Variants in ZNF214 observed in about 807,000 individuals in gnomAD.
ZNF214 encodes zinc finger protein 214.
Under a neutral mutation model 53.9 loss-of-function variants are expected in ZNF214, and 43 were observed. That is an observed-to-expected ratio of 0.80 (90% CI 0.63 to 1.03). ZNF214 has a LOEUF of 1.03. Among genes scored for constraint, ZNF214 ranks in the 50% least tolerant of loss-of-function variants. ZNF214 has a pLI of 0.00. For missense variants in ZNF214, 724 were observed against 719.1 expected (o/e 1.01, Z -0.08); for synonymous variants, 217 against 229.5 (o/e 0.95, Z 0.49).
intron 2 of ZNF214, 108 bp downstream of exon 2, chr11:7,002,601 G>T: frequency 8.2e-7 from 1 of 1,218,174 alleles, no homozygotes; most frequent in Non-Finnish European, 1.1e-6. Context: ...ACATTTTTGA[G>T]AATATCTCTT....
chr11:7,011,626 G>A (rs527935442), intron 1 of ZNF214, among the ~76,000 whole-genome samples: 41 of 152,138 alleles, frequency 2.7e-4, no homozygotes, highest in African/African-American at 9.4e-4. Flanking sequence ...AATGACCACC[G>A]TCACTGCTGC....
intron 2 of ZNF214, 64 bp downstream of exon 2, chr11:7,002,645 C>A: frequency 6.8e-7 from 1 of 1,460,610 alleles, no homozygotes; most frequent in Non-Finnish European, 9.0e-7. Context: ...GATAAAAAAA[C>A]AAAATACTCA....
Position 7,001,140 on chromosome 11 carries a change from T to C in ZNF214, c.543A>G (p.Glu181=). The change falls in exon 3 of 3, where the codon GAA becomes GAG. Residue 181 remains glutamate (E), a synonymous_variant. Coordinates refer to ENST00000278314, the MANE Select transcript of ZNF214 (RefSeq NM_013249.4). ...ISRKNLSMEK[E]QKLIVQHSYI... ...AAGAATGCTGAACTATGAGCTTCTGTTCTTTTTCCATGGAGAGGTTTTTCC... is the reference window on the plus strand; with the variant it reads ...AAGAATGCTGAACTATGAGCTTCTGCTCTTTTTCCATGGAGAGGTTTTTCC... 3 of 1,613,362 alleles carry C rather than the reference T, an allele frequency of 1.9e-6. No homozygotes were observed. Among genetic ancestry groups the C allele is most frequent in the Admixed American group, 1.7e-5 (1 of 59,898 alleles).
chr11:7,008,985 TAATC>T (rs754157235), intron 1 of ZNF214, among the ~76,000 whole-genome samples: 2 of 151,976 alleles, frequency 1.3e-5, no homozygotes, highest in Non-Finnish European at 2.9e-5. Flanking sequence ...AGACTCAACA[TAATC>T]AAAATGGCCA....
chr11:7,002,569 T>C (rs1851379047), intron 2 of ZNF214, 140 bp downstream of exon 2: 1 of 950,582 alleles, frequency 1.1e-6, no homozygotes, highest in Admixed American at 3.0e-5. Context: ...CTTTATCTTC[T>C]ATTTGTAACA....
chr11:7,007,565 T>C (rs1387576826), intron 1 of ZNF214, among the ~76,000 whole-genome samples: 2 of 151,698 alleles, frequency 1.3e-5, no homozygotes, highest in Non-Finnish European at 2.9e-5. Flanking sequence ...ATATGAACAG[T>C]AGGAAAAAAT....
intron 1 of ZNF214, among the ~76,000 whole-genome samples, chr11:7,011,227 T>A (rs1851599799): frequency 6.6e-6 from 1 of 151,994 alleles, no homozygotes; most frequent in Non-Finnish European, 1.5e-5. Flanking sequence ...ACAAATAAAA[T>A]TAAATTACAG....
chr11:7,005,126 A>G (rs1851445271), intron 1 of ZNF214, among the ~76,000 whole-genome samples: 1 of 139,906 alleles, frequency 7.1e-6, no homozygotes, highest in South Asian at 2.1e-4. Flanking sequence ...ATATATGATA[A>G]TGTCTATATG....
intron 1 of ZNF214, among the ~76,000 whole-genome samples, chr11:7,018,465 T>G (rs910792886): frequency 1.3e-5 from 2 of 151,282 alleles, no homozygotes; most frequent in Admixed American, 6.6e-5. Flanking sequence ...ATTATTAATC[T>G]CATATAGTTT....
intron 1 of ZNF214, among the ~76,000 whole-genome samples, chr11:7,014,855 A>C (rs1186287356): frequency 6.6e-6 from 1 of 150,972 alleles, no homozygotes; most frequent in African/African-American, 2.4e-5. Context: ...TGGAGGTTGC[A>C]GTGTGCTGAG....
chr11:7,000,072 G>A lies in ZNF214; in HGVS notation c.1611C>T (p.His537=). 6.2e-7 allele frequency: 1 copy of A among 1,613,166 alleles called. No individual in the cohort carries two copies. Among genetic ancestry groups the A allele is most frequent in the Non-Finnish European group, 8.5e-7 (1 of 1,179,504 alleles). ...KCHDCGKGFS[H]SSNLHIHQRV... Reference sequence around the variant, plus strand: ...TCTGATGAATGTGAAGATTAGAACTGTGACTAAAACCCTTTCCACAATCAT... The same window carrying A: ...TCTGATGAATGTGAAGATTAGAACTATGACTAAAACCCTTTCCACAATCAT... The change falls in exon 3 of 3, where the codon CAC becomes CAT. Residue 537 remains histidine (H), a synonymous_variant. Coordinates refer to ENST00000278314, the MANE Select transcript of ZNF214 (RefSeq NM_013249.4).
At chr11:7,017,718 G>C (rs781015455) in intron 1 of ZNF214, among the ~76,000 whole-genome samples, 1 of 144,916 alleles carries the variant, frequency 6.9e-6, no homozygotes, top group Non-Finnish European at 1.5e-5. Context: ...CAGTCTGGGC[G>C]ACAGAGCGAG....
rs1435931571 is a variant in ZNF214, at chr11:7,001,106, C to A, written c.577G>T (p.Val193Leu). Reference protein sequence around the residue: ...KLIVQHSYIPVEEALPQYVGV... With the variant: ...KLIVQHSYIPLEEALPQYVGV... ...ACATACTGTGGAAGGGCTTCCTCCA[C>A]TGGGATATAAGAATGCTGAACTATG... The change falls in exon 3 of 3, where the codon GTG (valine) becomes TTG (leucine). Residue 193 changes from valine to leucine, a missense_variant. Coordinates refer to ENST00000278314, the MANE Select transcript of ZNF214 (RefSeq NM_013249.4). 3.1e-6 allele frequency: 5 copies of A among 1,613,200 alleles called. No homozygotes were observed. The highest frequency in any genetic ancestry group is 4.2e-6 in the Non-Finnish European group (5 of 1,179,574).
At position 7,002,755 on chromosome 11, in the gene ZNF214, G is replaced by C. The variant is rs930714889; in HGVS notation, c.81C>G (p.Leu27=). 6.2e-7 allele frequency: 1 copy of C among 1,609,350 alleles called. No homozygotes were observed. Among genetic ancestry groups the C allele is most frequent in the South Asian group, 1.1e-5 (1 of 90,450 alleles). ...AGTTCTCCCACATGACCTCCCTGTA[G>C]AGTCTTTTTTGAGAAGAATCCAGGA... ...WKFLDSSQKR[L]YREVMWENYT... Residue 27 remains leucine (L), a synonymous_variant, in exon 2 of 3, where the codon CTC becomes CTG. Coordinates refer to ENST00000278314, the MANE Select transcript of ZNF214 (RefSeq NM_013249.4).
At chr11:7,008,463 C>G (rs759666624) in intron 1 of ZNF214, among the ~76,000 whole-genome samples, 2 of 151,744 alleles carry the variant, frequency 1.3e-5, no homozygotes, top group African/African-American at 2.4e-5. Flanking sequence ...TTAAAAAACC[C>G]CAGCTAGACT....
intron 1 of ZNF214, among the ~76,000 whole-genome samples, chr11:7,017,515 T>C (rs921691925): frequency 4.6e-5 from 7 of 152,142 alleles, no homozygotes; most frequent in Admixed American, 2.0e-4. Context: ...GGTGGGCAGA[T>C]TGCCTGAGCT....
chr11:7,012,409 G>C (rs1295749618), intron 1 of ZNF214, among the ~76,000 whole-genome samples: 1 of 151,754 alleles, frequency 6.6e-6, no homozygotes, highest in Non-Finnish European at 1.5e-5. Context: ...TAAATGTTAA[G>C]GGGAAAACTA....
chr11:7,006,846 A>G (rs1440021183), intron 1 of ZNF214, among the ~76,000 whole-genome samples: 1 of 152,048 alleles, frequency 6.6e-6, no homozygotes, highest in African/African-American at 2.4e-5. Flanking sequence ...AGTAACCTAA[A>G]TATATTTTAA....
At position 7,000,644 on chromosome 11, in the gene ZNF214, T is replaced by C. The variant is rs61879014; in HGVS notation, c.1039A>G (p.Ile347Val). Reference protein sequence around the residue: ...KDLSRNSLLHIHQRLHIGEKP... With the variant: ...KDLSRNSLLHVHQRLHIGEKP... ...TCTCCTATGTGAAGTCTCTGGTGAA[T>C]GTGAAGTAATGAATTTCTACTGAGG... Residue 347 changes from isoleucine (I) to valine (V), a missense_variant, in exon 3 of 3, where the codon ATT becomes GTT. Coordinates refer to ENST00000278314, the MANE Select transcript of ZNF214 (RefSeq NM_013249.4). 28 of 1,598,960 alleles carry C rather than the reference T, an allele frequency of 1.8e-5. No homozygotes were observed. Among genetic ancestry groups the C allele is most frequent in the Middle Eastern group, 1.7e-4 (1 of 5,966 alleles).
Sources: gnomAD v4.1 joint callset for allele counts (sites outside exome capture counted in the v4.1 genomes callset) on GRCh38, gnomAD v4.1.1 for gene constraint, MANE v1.5 for transcripts, NCBI Gene and HGNC (gene_info 2026-07-23, HGNC 2026-07-21) for gene names.